MTUS1: variants seen among roughly 807,000 people sequenced by gnomAD.
The protein encoded by MTUS1 is microtubule-associated tumor suppressor 1.
A neutral mutation model predicts 120.8 loss-of-function variants in MTUS1; 109 were observed. The observed-to-expected ratio is 0.90, with a 90% confidence interval of 0.77 to 1.06. The LOEUF is 1.06. Among genes scored for constraint, MTUS1 ranks in the 50% least tolerant of loss-of-function variants. The probability of loss-of-function intolerance (pLI) is 0.00; values close to 1 mark genes in which losing one functional copy is unlikely to be tolerated. For missense variants in MTUS1, 2,210 were observed against 1,486.3 expected (o/e 1.49, Z -8.01); for synonymous variants, 737 against 550.5 (o/e 1.34, Z -4.74).
Position 17,753,825 on chromosome 8 carries a change from C to A in MTUS1, c.1983G>T (p.Arg661Ser). The A allele has an allele frequency of 2.5e-6, 4 of 1,614,100 alleles. No homozygotes were observed. Among genetic ancestry groups the A allele is most frequent in the East Asian group, 2.2e-5 (1 of 44,880 alleles). The change falls in exon 2 of 15, where the codon AGG becomes AGT. Residue 661 changes from arginine to serine, a missense_variant. Arg to Ser is a moderately radical substitution (Grantham distance 110). Transcript: ENST00000693296. ...LEMTYVPNID[R>S]ISPEKKGEKE... ...TTTCACCCTTCTTTTCAGGGCTAAT[C>A]CTATCAATGTTGGGAACATAGGTCA...
In MTUS1 at chr8:17,654,650, G is replaced by GC; in HGVS notation, c.3124dup (p.Ala1042GlyfsTer4). 1 of 1,613,558 alleles carries GC rather than the reference G, an allele frequency of 6.2e-7. No homozygotes were observed. Among genetic ancestry groups the GC allele is most frequent in the Non-Finnish European group, 8.5e-7 (1 of 1,179,420 alleles). On this transcript the variant is annotated frameshift_variant, in exon 10 of 15. Transcript: ENST00000693296. LOFTEE classifies it high-confidence loss of function. The stretch of plus-strand genomic sequence containing the variant: ...TTCCAACTTAGAGGTTTCATGCGCA[G>GC]CATTTAAGTTGTCAAACTGTAAGCA...
At chr8:17,650,817 G>A (rs542260556) in intron 12 of MTUS1, among the ~76,000 whole-genome samples, 11 of 152,280 alleles carry the variant, frequency 7.2e-5, no homozygotes, top group Middle Eastern at 3.4e-3. Context: ...TGCTTTATTC[G>A]GAAATTCAAC....
At chr8:17,697,671 G>T (rs1269971974) in intron 6 of MTUS1, 2 of 1,065,178 alleles carry the variant, frequency 1.9e-6, no homozygotes, top group African/African-American at 3.3e-5. Context: ...ATCACACTGT[G>T]CATGCTTGTG....
intron 6 of MTUS1, among the ~76,000 whole-genome samples, chr8:17,710,470 C>G (rs1311494173): frequency 6.6e-6 from 1 of 152,134 alleles, no homozygotes; most frequent in Non-Finnish European, 1.5e-5. Flanking sequence ...CAAATTTTAC[C>G]AGAGATCAAC....
At chr8:17,747,139 G>A (rs2047821858) in intron 2 of MTUS1, among the ~76,000 whole-genome samples, 1 of 152,124 alleles carries the variant, frequency 6.6e-6, no homozygotes, top group Admixed American at 6.5e-5. Context: ...TTCTTCACAA[G>A]GCCCAGCAAT....
intron 12 of MTUS1, chr8:17,651,827 C>G (rs958042437): frequency 1.3e-5 from 2 of 152,142 alleles, no homozygotes; most frequent in African/African-American, 2.4e-5. Flanking sequence ...CCTTTGTGTA[C>G]CGGAAGCTCT....
intron 1 of MTUS1, among the ~76,000 whole-genome samples, chr8:17,761,237 C>A (rs28503889): frequency 0.022 from 3,279 of 152,170 alleles, 108 homozygotes; most frequent in African/African-American, 0.075. Context: ...GGAAAAAAAA[C>A]TTTCTAAATC....
chr8:17,680,293 A>G (rs1237256792), intron 7 of MTUS1, among the ~76,000 whole-genome samples: 1 of 151,774 alleles, frequency 6.6e-6, no homozygotes, highest in East Asian at 1.9e-4. Flanking sequence ...GTGAAACCTC[A>G]TCTCTACTAA....
chr8:17,780,494 T>TTCC (rs896294906), intron 1 of MTUS1, among the ~76,000 whole-genome samples: 1 of 152,200 alleles, frequency 6.6e-6, no homozygotes, highest in Non-Finnish European at 1.5e-5. Flanking sequence ...TGTCCTAGTG[T>TTCC]TCCTGGTTTT....
At chr8:17,676,246 A>C in intron 7 of MTUS1, 1 of 703,006 alleles carries the variant, frequency 1.4e-6, no homozygotes, top group Non-Finnish European at 2.6e-6. Context: ...ACATTCTTCC[A>C]GAAAAGCACT....
intron 8 of MTUS1, among the ~76,000 whole-genome samples, chr8:17,659,654 C>A (rs1809242995): frequency 6.6e-6 from 1 of 152,084 alleles, no homozygotes; most frequent in Non-Finnish European, 1.5e-5. Flanking sequence ...GCCAAGATCG[C>A]ACTACCGCAC....
chr8:17,757,394 G>T (rs902121394), intron 1 of MTUS1, among the ~76,000 whole-genome samples: 1 of 152,188 alleles, frequency 6.6e-6, no homozygotes, highest in Non-Finnish European at 1.5e-5. Flanking sequence ...TTTCTTTTGC[G>T]AGTATGTTCT....
intron 8 of MTUS1, among the ~76,000 whole-genome samples, chr8:17,670,715 C>T (rs553960828): frequency 6.6e-5 from 10 of 152,084 alleles, no homozygotes; most frequent in African/African-American, 7.2e-5. Context: ...CCCAGCTATT[C>T]GGGAGGCTGA....
chr8:17,694,704 G>A (rs938658760), intron 6 of MTUS1, among the ~76,000 whole-genome samples: 1 of 151,994 alleles, frequency 6.6e-6, no homozygotes, highest in Non-Finnish European at 1.5e-5. Context: ...AACCAAAGGT[G>A]GGGTTTGATG....
At chr8:17,798,492 T>G (rs1346731517) in intron 1 of MTUS1, among the ~76,000 whole-genome samples, 1 of 152,066 alleles carries the variant, frequency 6.6e-6, no homozygotes, top group Non-Finnish European at 1.5e-5. Flanking sequence ...GCCAACACAA[T>G]TGACTAATTT....
chr8:17,670,748 G>A (rs3889347), intron 8 of MTUS1, among the ~76,000 whole-genome samples: 20,434 of 151,974 alleles, frequency 0.13, 1,411 homozygotes, highest in South Asian at 0.19. Context: ...GCTTGAACCC[G>A]GAAGGCAGAG....
chr8:17,680,298 T>A (rs1225252698), intron 7 of MTUS1, among the ~76,000 whole-genome samples: 1 of 151,708 alleles, frequency 6.6e-6, no homozygotes, highest in Non-Finnish European at 1.5e-5. Flanking sequence ...ACCTCATCTC[T>A]ACTAAAAATA....
At chr8:17,749,312 A>T (rs1040944921) in intron 2 of MTUS1, among the ~76,000 whole-genome samples, 1 of 152,152 alleles carries the variant, frequency 6.6e-6, no homozygotes, top group Non-Finnish European at 1.5e-5. Context: ...CTTAACCCAG[A>T]CATTCCTTTT....
chr8:17,772,932 G>C (rs2050125691), intron 1 of MTUS1, among the ~76,000 whole-genome samples: 1 of 152,162 alleles, frequency 6.6e-6, no homozygotes, highest in Non-Finnish European at 1.5e-5. Context: ...ATCCATATTA[G>C]AGAATCAAAA....
Sources: gnomAD v4.1 joint callset for allele counts (sites outside exome capture counted in the v4.1 genomes callset) on GRCh38, gnomAD v4.1.1 for gene constraint, MANE v1.5 for transcripts, NCBI Gene and HGNC (gene_info 2026-07-23, HGNC 2026-07-21) for gene names.